ANKRD11: variants seen among roughly 807,000 people sequenced by gnomAD.
The protein encoded by ANKRD11 is ankyrin repeat domain-containing protein 11.
A neutral mutation model predicts 195.7 loss-of-function variants in ANKRD11; 17 were observed. The ratio of observed to expected loss-of-function variants is 0.09; its 90% CI spans 0.06 to 0.13. The LOEUF (loss-of-function observed/expected upper bound fraction) is 0.13, where lower values mean the gene tolerates loss of function less well. Ranked by LOEUF, ANKRD11 falls within the 10% of genes least tolerant of loss-of-function variation. ANKRD11 has a pLI of 1.00. For missense variants in ANKRD11, 3,735 were observed against 3,566.1 expected (o/e 1.05, Z -1.21); for synonymous variants, 1,953 against 1,528.1 (o/e 1.28, Z -6.49).
At chr16:89,485,550 ACAAT>A (rs2057584910) in intron 1 of ANKRD11, among the ~76,000 whole-genome samples, 1 of 152,166 alleles carries the variant, frequency 6.6e-6, no homozygotes, top group South Asian at 2.1e-4. Flanking sequence ...GTTTTCAACC[ACAAT>A]CAACCAGTTC....
chr16:89,486,604 A>T (rs2057622995), intron 1 of ANKRD11, among the ~76,000 whole-genome samples: 1 of 152,186 alleles, frequency 6.6e-6, no homozygotes, highest in Admixed American at 6.5e-5. Flanking sequence ...CCAACTGAGG[A>T]AAGGCAAGGC....
rs150165848 is a variant in ANKRD11 at position 89,281,881 on chromosome 16, T to C, written c.4661A>G (p.Lys1554Arg). ...DPVKMSNGND[K>R]VAPSKDPGKK... ...GCCTGGGTCTTTGGATGGCGCTACC[T>C]TATCATTCCCGTTGCTCATCTTCAC... The change falls in exon 9 of 13, where the codon AAG becomes AGG. Residue 1554 changes from lysine to arginine, a missense_variant. Physicochemically the swap from Lys to Arg is conservative, Grantham distance 26 (BLOSUM62 2). Transcript: ENST00000301030. This position sits in a 1 kb window ranked among gnomAD's most constrained non-coding sequence, Gnocchi z 5.5. The C allele has an allele frequency of 4.4e-5, 71 of 1,613,826 alleles. No homozygotes were observed. The highest frequency in any genetic ancestry group is 5.5e-5 in the Non-Finnish European group (65 of 1,180,036).
chr16:89,381,167 T>C (rs997998240), intron 2 of ANKRD11, among the ~76,000 whole-genome samples: 3 of 151,332 alleles, frequency 2.0e-5, no homozygotes, highest in South Asian at 2.1e-4. Flanking sequence ...TACTGAAAAT[T>C]AAAAAATAAA....
intron 2 of ANKRD11, among the ~76,000 whole-genome samples, chr16:89,396,263 T>C (rs2041423123): frequency 6.6e-6 from 1 of 152,204 alleles, no homozygotes; most frequent in African/African-American, 2.4e-5. Flanking sequence ...CGTCGGGAGA[T>C]GCACACGAGT....
chr16:89,310,417 T>C (rs2036546651), intron 3 of ANKRD11, among the ~76,000 whole-genome samples: 1 of 152,262 alleles, frequency 6.6e-6, no homozygotes, highest in South Asian at 2.1e-4. Flanking sequence ...GCTTTGGTTA[T>C]TCTAGGTCTT....
chr16:89,408,936 C>T (rs1374859547), intron 2 of ANKRD11, among the ~76,000 whole-genome samples: 1 of 152,192 alleles, frequency 6.6e-6, no homozygotes, highest in African/African-American at 2.4e-5. Context: ...TACAAGTGAA[C>T]AGGCCGCTGT....
intron 1 of ANKRD11, among the ~76,000 whole-genome samples, chr16:89,474,316 A>G (rs1353927126): frequency 6.6e-6 from 1 of 152,158 alleles, no homozygotes; most frequent in Non-Finnish European, 1.5e-5. Flanking sequence ...GTTACACAGC[A>G]GTAGAAAATA....
chr16:89,451,148 T>C (rs968842309), intron 1 of ANKRD11, among the ~76,000 whole-genome samples: 4 of 152,216 alleles, frequency 2.6e-5, no homozygotes, highest in Non-Finnish European at 5.9e-5. Flanking sequence ...TAGAAAAAGT[T>C]TGCCAATGCC....
chr16:89,352,354 C>A (rs1315840225), intron 2 of ANKRD11, among the ~76,000 whole-genome samples: 1 of 151,680 alleles, frequency 6.6e-6, no homozygotes, highest in Non-Finnish European at 1.5e-5. Flanking sequence ...GGGGTCTAGG[C>A]ACCGCAATGT....
intron 2 of ANKRD11, among the ~76,000 whole-genome samples, chr16:89,372,668 G>C (rs1030867181): frequency 1.3e-5 from 2 of 152,132 alleles, no homozygotes; most frequent in African/African-American, 4.8e-5. Flanking sequence ...ACATGAACAA[G>C]TGCAAGGAGG....
intron 4 of ANKRD11, among the ~76,000 whole-genome samples, chr16:89,296,640 G>C (rs946014549): frequency 6.6e-6 from 1 of 152,214 alleles, no homozygotes; most frequent in Non-Finnish European, 1.5e-5. Context: ...ATCCCAGCAC[G>C]TGAGGTCCCT....
chr16:89,438,907 G>C (rs1013441063), intron 1 of ANKRD11, among the ~76,000 whole-genome samples: 3 of 152,014 alleles, frequency 2.0e-5, no homozygotes, highest in African/African-American at 7.2e-5. Context: ...TGCTGGAGAG[G>C]CTGAGATGGG....
At chr16:89,370,175 T>C (rs1219248250) in intron 2 of ANKRD11, among the ~76,000 whole-genome samples, 1 of 152,200 alleles carries the variant, frequency 6.6e-6, no homozygotes, top group East Asian at 1.9e-4. Context: ...CCCACGCCCC[T>C]CCCTGCCCTG....
At chr16:89,376,011 G>A (rs1247673882) in intron 2 of ANKRD11, among the ~76,000 whole-genome samples, 4 of 152,092 alleles carry the variant, frequency 2.6e-5, no homozygotes, top group African/African-American at 7.2e-5. Context: ...CCAGCAGAAG[G>A]GCCATCACAA....
chr16:89,452,077 G>A (rs1009379679), intron 1 of ANKRD11, among the ~76,000 whole-genome samples: 7 of 151,978 alleles, frequency 4.6e-5, no homozygotes, highest in African/African-American at 1.7e-4. Flanking sequence ...TGGACAACAC[G>A]GTGAAACCCC....
At chr16:89,444,493 G>T (rs566122800) in intron 1 of ANKRD11, among the ~76,000 whole-genome samples, 2 of 152,068 alleles carry the variant, frequency 1.3e-5, no homozygotes, top group African/African-American at 4.8e-5. Context: ...GGTTGTGTAG[G>T]GTTTGCCATC....
rs60214636 is a variant in ANKRD11 at position 89,295,985 on chromosome 16, C to CTTT, written c.227-4805_227-4803dup. ...GGGAGTGTCTTCTCTATCTGGCTGC[C>CTTT]TTTTTTTTTTTTTTTTTTTTTGAGA... On this transcript the variant is annotated intron_variant, in intron 4 of 12. Transcript: ENST00000301030. 4.9e-3 allele frequency among the ~76,000 whole-genome samples: 219 copies of CTTT among 45,132 alleles called. 53 individuals carry two copies. Among genetic ancestry groups the CTTT allele is most frequent in the African/African-American group, 0.021 (198 of 9,508 alleles). 29.6% of individuals were successfully genotyped at this position (45,132 alleles called of 152,430 possible). A position where few individuals can be genotyped will look rare whatever the true frequency, so the allele number is the denominator to read the frequency against.
At chr16:89,278,278 A>G in intron 9 of ANKRD11, 1 of 349,238 alleles carries the variant, frequency 2.9e-6, no homozygotes, top group Non-Finnish European at 5.7e-6. Flanking sequence ...CCCATGAGGA[A>G]TCCCTGTGCC....
At chr16:89,384,392 G>C (rs1346981313) in intron 2 of ANKRD11, among the ~76,000 whole-genome samples, 1 of 152,106 alleles carries the variant, frequency 6.6e-6, no homozygotes, top group Non-Finnish European at 1.5e-5. Context: ...TTAGCTAGGC[G>C]TAGTGGTGCA....
Sources: gnomAD v4.1 joint callset for allele counts (sites outside exome capture counted in the v4.1 genomes callset) on GRCh38, gnomAD v4.1.1 for gene constraint, Gnocchi (gnomAD v3.1) non-coding constraint, MANE v1.5 for transcripts, NCBI Gene and HGNC (gene_info 2026-07-23, HGNC 2026-07-21) for gene names.